Variants in FREM2 observed in about 807,000 individuals in gnomAD.
FREM2 encodes the protein FRAS1-related extracellular matrix protein 2.
FREM2 carries 119 observed loss-of-function variants against 219.9 expected under a neutral mutation model. The observed-to-expected ratio is 0.54, with a 90% confidence interval of 0.47 to 0.63. The LOEUF (loss-of-function observed/expected upper bound fraction) is 0.63. FREM2 is among the 30% of genes least tolerant of loss of function. The pLI is 0.00. For missense variants in FREM2, 4,030 were observed against 3,993.6 expected (o/e 1.01, Z -0.25); for synonymous variants, 1,562 against 1,522.8 (o/e 1.03, Z -0.60).
intron 6 of FREM2, among the ~76,000 whole-genome samples, chr13:38,809,939 T>G (rs2137861845): frequency 6.6e-6 from 1 of 152,226 alleles, no homozygotes; most frequent in Non-Finnish European, 1.5e-5. Context: ...CATTTAAAAA[T>G]ATTGATTCTT....
Position 38,850,049 on chromosome 13 carries a change from C to G in FREM2, c.6391C>G (p.Gln2131Glu). ...CTTTGTTTTTGCAGTGCCTAAGATG[C>G]AATTCAAAGAACGAATATATACTGG... ...NDSVSDLPKM[Q>E]FKERIYTGSE... Residue 2131 changes from glutamine (Q) to glutamate (E), a missense_variant, in exon 9 of 24, where the codon CAA (glutamine) becomes GAA (glutamate). This residue lies in a region of FREM2 where 3,102 missense variants were observed against 2,950.7 expected (regional missense o/e 1.05). Coordinates refer to ENST00000280481, the MANE Select transcript of FREM2 (RefSeq NM_207361.6). The G allele has an allele frequency of 6.2e-7, 1 of 1,613,486 alleles. No individual in the cohort carries two copies. Among genetic ancestry groups the G allele is most frequent in the Non-Finnish European group, 8.5e-7 (1 of 1,179,484 alleles).
At chr13:38,716,762 C>T (rs1871019281) in intron 2 of FREM2, among the ~76,000 whole-genome samples, 1 of 152,196 alleles carries the variant, frequency 6.6e-6, no homozygotes, top group South Asian at 2.1e-4. Flanking sequence ...CCCGCCTCGG[C>T]CTCCCAAAGT....
intron 2 of FREM2, among the ~76,000 whole-genome samples, chr13:38,760,831 C>CAA (rs112835615): frequency 1.3e-4 from 19 of 143,740 alleles, no homozygotes; most frequent in Admixed American, 2.1e-4. Flanking sequence ...CAGAAAATGA[C>CAA]AAAAAAAAAA....
At chr13:38,779,874 T>C (rs190498677) in intron 4 of FREM2, among the ~76,000 whole-genome samples, 7 of 152,328 alleles carry the variant, frequency 4.6e-5, no homozygotes, top group East Asian at 1.9e-4. Context: ...TTCCTTGATA[T>C]GCTTTTTGTA....
At chr13:38,737,774 A>G (rs575541219) in intron 2 of FREM2, among the ~76,000 whole-genome samples, 2 of 152,190 alleles carry the variant, frequency 1.3e-5, no homozygotes, top group South Asian at 4.1e-4. Context: ...GAGACTGGGA[A>G]TGTAAGGAAA....
At position 38,881,817 on chromosome 13, in the gene FREM2, A is replaced by G. The variant is rs1878560354; in HGVS notation, c.*1030A>G. 6.6e-6 allele frequency: 1 copy of G among 152,258 alleles called. No individual in the cohort carries two copies. Among genetic ancestry groups the G allele is most frequent in the Non-Finnish European group, 1.5e-5 (1 of 68,036 alleles). The allele number at this position is 152,258 out of a possible 1,614,324, so 9.4% of individuals were successfully genotyped here. ...GAATAAAGGAACATTTTGACAGATG[A>G]GGTTATCCCTCGGAGTAGCGTAATC... On this transcript the variant is annotated 3_prime_UTR_variant, in exon 24 of 24. Coordinates refer to ENST00000280481, the MANE Select transcript of FREM2 (RefSeq NM_207361.6).
Position 38,884,935 on chromosome 13 carries a change from C to CTA in FREM2, c.*4148_*4149insTA, listed in dbSNP as rs1348991634. 1.3e-5 allele frequency: 2 copies of CTA among 152,172 alleles called. No individual in the cohort carries two copies. Among genetic ancestry groups the CTA allele is most frequent in the African/African-American group, 4.8e-5 (2 of 41,436 alleles). 9.4% of individuals were successfully genotyped at this position (152,172 alleles called of 1,614,324 possible). ...CATACTCTCATGGGAGCTTCTTTAA[C>CTA]ATTAGTTCAGAGGTTAATATATTTC... is the stretch of plus-strand genomic sequence containing the variant. On this transcript the variant is annotated 3_prime_UTR_variant, in exon 24 of 24. Coordinates refer to ENST00000280481, the MANE Select transcript of FREM2 (RefSeq NM_207361.6).
intron 2 of FREM2, among the ~76,000 whole-genome samples, chr13:38,763,264 G>A (rs1741730284): frequency 6.6e-6 from 1 of 152,006 alleles, no homozygotes; most frequent in Admixed American, 6.6e-5. Context: ...AGTTGCTGCA[G>A]TTTTTATTTT....
chr13:38,727,036 G>A (rs566462339), intron 2 of FREM2, among the ~76,000 whole-genome samples: 4 of 152,306 alleles, frequency 2.6e-5, no homozygotes, highest in South Asian at 2.1e-4. Context: ...ATTAGGGTGC[G>A]AAGAAAGTAT....
chr13:38,841,401 A>G (rs982779663), intron 6 of FREM2, among the ~76,000 whole-genome samples: 2 of 152,034 alleles, frequency 1.3e-5, no homozygotes, highest in South Asian at 4.1e-4. Flanking sequence ...AAAAACTGAA[A>G]CCTCTTAACA....
intron 4 of FREM2, among the ~76,000 whole-genome samples, chr13:38,778,660 G>A (rs138933785): frequency 4.9e-4 from 74 of 152,166 alleles, no homozygotes; most frequent in African/African-American, 9.2e-4. Flanking sequence ...GAGGGTGGGC[G>A]GAGGAAGAAG....
Position 38,723,247 on chromosome 13 carries a change from T to A in FREM2, c.5263+25460T>A, listed in dbSNP as rs549465583. ...ATGCGCCATCTTAAAAAAATAAAAATAAAAAATAAAAAATAAAATAAAACA... is the reference window on the plus strand; with the variant it reads ...ATGCGCCATCTTAAAAAAATAAAAAAAAAAAATAAAAAATAAAATAAAACA... On this transcript the variant is annotated intron_variant, in intron 2 of 23. Transcript: ENST00000280481. Among the ~76,000 whole-genome samples the A allele has an allele frequency of 3.6e-4, 55 of 151,210 alleles. 1 individual carries two copies. The highest frequency in any genetic ancestry group is 7.8e-4 in the Non-Finnish European group (53 of 67,762).
intron 2 of FREM2, among the ~76,000 whole-genome samples, chr13:38,704,416 G>C (rs1034333804): frequency 6.6e-6 from 1 of 152,210 alleles, no homozygotes; most frequent in African/African-American, 2.4e-5. Context: ...GCACCTGAAA[G>C]GTGGTATTTA....
At position 38,687,230 on chromosome 13, in the gene FREM2, C is replaced by G. The variant is rs1004679544; in HGVS notation, c.-115C>G. On this transcript the variant is annotated 5_prime_UTR_variant, in exon 1 of 24. Transcript: ENST00000280481. ...GGCCCAGCCCCGGCTACAGGAGGAC[C>G]CCGCGGGCAACGCGCGGAGTTCCTG... is the stretch of plus-strand genomic sequence containing the variant. 1.4e-6 allele frequency: 2 copies of G among 1,435,578 alleles called. No homozygotes were observed. Among genetic ancestry groups the G allele is most frequent in the Non-Finnish European group, 1.9e-6 (2 of 1,047,150 alleles). The allele number at this position is 1,435,578 out of a possible 1,614,324, so 88.9% of individuals were successfully genotyped here. A position where few individuals can be genotyped will look rare whatever the true frequency, so the allele number is the denominator to read the frequency against.
chr13:38,782,296 T>G (rs1874147103), intron 4 of FREM2, among the ~76,000 whole-genome samples: 1 of 152,242 alleles, frequency 6.6e-6, no homozygotes, highest in Non-Finnish European at 1.5e-5. Context: ...ACCATTGTAC[T>G]AAATGGTTGT....
intron 6 of FREM2, among the ~76,000 whole-genome samples, chr13:38,824,038 T>G (rs1876174362): frequency 1.3e-5 from 2 of 152,008 alleles, no homozygotes; most frequent in Admixed American, 1.3e-4. Flanking sequence ...AATATGAAAA[T>G]AATGGATAGA....
chr13:38,744,958 G>T (rs1872407377), intron 2 of FREM2, among the ~76,000 whole-genome samples: 1 of 152,188 alleles, frequency 6.6e-6, no homozygotes, highest in Admixed American at 6.5e-5. Flanking sequence ...AAACTAACAT[G>T]ACATAGAAGC....
In FREM2 at chr13:38,874,473, C is replaced by G. The variant is rs1878273920; in HGVS notation, c.8177-9C>G. 1.9e-6 allele frequency: 3 copies of G among 1,608,564 alleles called. No individual in the cohort carries two copies. Among genetic ancestry groups the G allele is most frequent in the Non-Finnish European group, 2.6e-6 (3 of 1,175,138 alleles). ...TATATTTTCATTCTTGGTACTCTCC[C>G]CATTATAGGTTCTCTCTATCCAACC... is the stretch of plus-strand genomic sequence containing the variant. On this transcript the variant is annotated splice_polypyrimidine_tract_variant and intron_variant, in intron 17 of 23. Coordinates refer to ENST00000280481, the MANE Select transcript of FREM2 (RefSeq NM_207361.6).
chr13:38,771,145 T>C (rs1345538095), intron 4 of FREM2, among the ~76,000 whole-genome samples: 1 of 152,230 alleles, frequency 6.6e-6, no homozygotes, highest in Non-Finnish European at 1.5e-5. Context: ...CTGACATCAT[T>C]TGTTTAACTA....
Sources: gnomAD v4.1 joint callset for allele counts (sites outside exome capture counted in the v4.1 genomes callset) on GRCh38, gnomAD v4.1.1 for gene constraint, gnomAD v4.1.1 regional missense constraint, MANE v1.5 for transcripts, NCBI Gene and HGNC (gene_info 2026-07-23, HGNC 2026-07-21) for gene names.